RALYL: variants seen among roughly 807,000 people sequenced by gnomAD.
RALYL encodes RALY RNA binding protein like, also known as RNA-binding Raly-like protein.
RALYL carries 29 observed loss-of-function variants against 35.1 expected under a neutral mutation model. The observed-to-expected ratio is 0.83, with a 90% CI of 0.61 to 1.13. The LOEUF (loss-of-function observed/expected upper bound fraction) is 1.13. Among genes scored for constraint, RALYL ranks in the 50% most tolerant of loss-of-function variants. RALYL has a pLI of 0.00. For synonymous variants in RALYL, 120 were observed against 127.6 expected, an observed-to-expected ratio of 0.94 and a Z score of 0.40; for missense variants, 359 against 360.4, an observed-to-expected ratio of 1.00 and a Z score of 0.03.
intron 1 of RALYL, among the ~76,000 whole-genome samples, chr8:84,477,141 T>C (rs1315274451): frequency 6.6e-6 from 1 of 152,124 alleles, no homozygotes. Flanking sequence ...TACTTTATTT[T>C]CTAGGTAAAA....
At position 84,734,628 on chromosome 8, in the gene RALYL, C is replaced by A. The variant is rs117168641; in HGVS notation, c.257-39951C>A. On this transcript the variant is annotated intron_variant, in intron 2 of 8. Transcript: ENST00000521268. ...CTGGTGATATTCTGTTCTTGACAGTCACTAAAGACATGTTGACTATTCTTA... is the reference window on the plus strand; with the variant it reads ...CTGGTGATATTCTGTTCTTGACAGTAACTAAAGACATGTTGACTATTCTTA... Among the ~76,000 whole-genome samples, 1,473 of 152,162 alleles carry A rather than the reference C, an allele frequency of 9.7e-3. 12 individuals are homozygous for A. The highest frequency in any genetic ancestry group is 0.014 in the Non-Finnish European group (964 of 67,982).
intron 4 of RALYL, among the ~76,000 whole-genome samples, chr8:84,808,520 G>A (rs1825195376): frequency 6.6e-6 from 1 of 152,010 alleles, no homozygotes; most frequent in Admixed American, 6.6e-5. Context: ...TTTTAGAATT[G>A]TTTTTTCTAA....
At chr8:84,709,922 G>A (rs1359209444) in intron 2 of RALYL, among the ~76,000 whole-genome samples, 4 of 151,980 alleles carry the variant, frequency 2.6e-5, no homozygotes, top group African/African-American at 7.2e-5. Flanking sequence ...TTAGCTGGGC[G>A]TGGTGGCAGA....
chr8:84,913,040 G>GTAGGTAGGTAGGTAGATAGATAGATAGA (rs372305617), intron 8 of RALYL, among the ~76,000 whole-genome samples: 17 of 130,140 alleles, frequency 1.3e-4, no homozygotes, highest in Non-Finnish European at 4.8e-5. Context: ...GGATAGGTAG[G>GTAGGTAGGTAGGTAGATAGATAGATAGA]TAGATAGATA....
chr8:84,458,809 A>G (rs1227599940), intron 1 of RALYL, among the ~76,000 whole-genome samples: 1 of 151,720 alleles, frequency 6.6e-6, no homozygotes, highest in Non-Finnish European at 1.5e-5. Context: ...GTATTAAAAT[A>G]TAAAATTATA....
At chr8:84,300,452 G>A (rs912785725) in intron 1 of RALYL, among the ~76,000 whole-genome samples, 3 of 151,904 alleles carry the variant, frequency 2.0e-5, no homozygotes, top group African/African-American at 7.2e-5. Flanking sequence ...TTTCTGTTAG[G>A]TCCATTTGGT....
At chr8:84,470,160 C>T (rs1587586507) in intron 1 of RALYL, among the ~76,000 whole-genome samples, 1 of 152,184 alleles carries the variant, frequency 6.6e-6, no homozygotes, top group African/African-American at 2.4e-5. Context: ...ATCTTGGCTC[C>T]TCCCTCCAAA....
At chr8:84,196,892 G>A (rs1343581655) in intron 1 of RALYL, among the ~76,000 whole-genome samples, 1 of 152,102 alleles carries the variant, frequency 6.6e-6, no homozygotes, top group African/African-American at 2.4e-5. Flanking sequence ...GATACTTATT[G>A]TTCTTCAGGA....
At chr8:84,891,909 T>C (rs944107000) in intron 8 of RALYL, among the ~76,000 whole-genome samples, 4 of 152,190 alleles carry the variant, frequency 2.6e-5, no homozygotes, top group African/African-American at 9.7e-5. Flanking sequence ...AATTAGAGTT[T>C]TTCTCACAAA....
intron 1 of RALYL, among the ~76,000 whole-genome samples, chr8:84,275,375 C>T (rs1420497858): frequency 6.6e-6 from 1 of 151,924 alleles, no homozygotes; most frequent in Non-Finnish European, 1.5e-5. Context: ...ATTCATATTA[C>T]AAGCAACTTA....
chr8:84,200,667 A>C (rs1227647442), intron 1 of RALYL, among the ~76,000 whole-genome samples: 4 of 152,122 alleles, frequency 2.6e-5, no homozygotes, highest in Non-Finnish European at 5.9e-5. Flanking sequence ...AAATAGGATT[A>C]ATATTTATTT....
chr8:84,905,500 T>C (rs911544084), intron 8 of RALYL, among the ~76,000 whole-genome samples: 5 of 152,138 alleles, frequency 3.3e-5, no homozygotes, highest in Non-Finnish European at 5.9e-5. Context: ...GGGACCTCCA[T>C]ACTGTTTTCC....
At chr8:84,886,922 G>A (rs1313188791) in intron 7 of RALYL, among the ~76,000 whole-genome samples, 2 of 152,156 alleles carry the variant, frequency 1.3e-5, no homozygotes, top group Non-Finnish European at 2.9e-5. Flanking sequence ...CACATGGAGG[G>A]TTAATCATTT....
chr8:84,914,132 A>T (rs1319072029), intron 8 of RALYL, among the ~76,000 whole-genome samples: 4 of 152,050 alleles, frequency 2.6e-5, no homozygotes, highest in Non-Finnish European at 5.9e-5. Context: ...GATTTTTAAA[A>T]TATTTCTACT....
intron 1 of RALYL, among the ~76,000 whole-genome samples, chr8:84,347,130 G>A (rs1185587977): frequency 1.3e-5 from 2 of 151,988 alleles, no homozygotes; most frequent in Non-Finnish European, 2.9e-5. Flanking sequence ...GAACCTGGGA[G>A]GCAGAGGTTG....
chr8:84,902,916 G>A (rs1845924737), intron 8 of RALYL, among the ~76,000 whole-genome samples: 1 of 152,060 alleles, frequency 6.6e-6, no homozygotes, highest in Non-Finnish European at 1.5e-5. Context: ...GGAAGTTTTA[G>A]TAACATTGAA....
Position 84,638,965 on chromosome 8 carries a change from GACACACACACAC to G in RALYL, c.256+109414_256+109425del, listed in dbSNP as rs60361195. ...ATATATATGTACACACACACACACAGACACACACACACACACACACACACACACACACACACA... is the reference window on the plus strand; with the variant it reads ...ATATATATGTACACACACACACACAGACACACACACACACACACACACACA... On this transcript the variant is annotated intron_variant, in intron 2 of 8. Coordinates refer to ENST00000521268, the MANE Select transcript of RALYL (RefSeq NM_173848.7). 4.2e-3 allele frequency among the ~76,000 whole-genome samples: 491 copies of G among 116,062 alleles called. 3 individuals carry two copies. The highest frequency in any genetic ancestry group is 0.013 in the African/African-American group (387 of 29,184). The allele number at this position is 116,062 out of a possible 152,430, so 76.1% of individuals were successfully genotyped here.
At chr8:84,911,354 A>G (rs1847482273) in intron 8 of RALYL, among the ~76,000 whole-genome samples, 1 of 152,180 alleles carries the variant, frequency 6.6e-6, no homozygotes, top group Non-Finnish European at 1.5e-5. Context: ...CATAACCCAA[A>G]CAGATCCAAT....
At chr8:84,355,118 G>A (rs1415875408) in intron 1 of RALYL, among the ~76,000 whole-genome samples, 2 of 150,288 alleles carry the variant, frequency 1.3e-5, no homozygotes, top group South Asian at 2.1e-4. Context: ...TAAGGAGAGA[G>A]CCAAATTTTA....
Sources: gnomAD v4.1 joint callset for allele counts (sites outside exome capture counted in the v4.1 genomes callset) on GRCh38, gnomAD v4.1.1 for gene constraint, MANE v1.5 for transcripts, NCBI Gene and HGNC (gene_info 2026-07-23, HGNC 2026-07-21) for gene names.